NUDT3: variants seen among roughly 807,000 people sequenced by gnomAD.
NUDT3 encodes nudix hydrolase 3.
A neutral mutation model predicts 23.6 loss-of-function variants in NUDT3; 9 were observed. That is an observed-to-expected ratio of 0.38 (90% CI 0.23 to 0.66). NUDT3 has a LOEUF of 0.66. Among genes scored for constraint, NUDT3 ranks in the 30% least tolerant of loss-of-function variants. NUDT3 has a pLI of 0.52. For missense variants in NUDT3, 172 were observed against 218.5 expected (o/e 0.79, Z 1.34); for synonymous variants, 86 against 82.6 (o/e 1.04, Z -0.22).
rs1237809640 is a variant in NUDT3, at chr6:34,392,594, G to GGCCGCCGCCCCCTCT, written c.-247_-233dup. 3.2e-5 allele frequency: 10 copies of GGCCGCCGCCCCCTCT among 312,180 alleles called. No individual in the cohort carries two copies. Among genetic ancestry groups the GGCCGCCGCCCCCTCT allele is most frequent in the South Asian group, 2.4e-4 (2 of 8,182 alleles). The allele number at this position is 312,180 out of a possible 1,614,324, so 19.3% of individuals were successfully genotyped here. ...CGGCTGCCGTCTCCGCTGCCGCCAGGGCCGCCGCCCCCTCTGCCGCCGCCA... is the reference window on the plus strand; with the variant it reads ...CGGCTGCCGTCTCCGCTGCCGCCAGGGCCGCCGCCCCCTCTGCCGCCGCCCCCTCTGCCGCCGCCA... On this transcript the variant is annotated 5_prime_UTR_variant, in exon 1 of 5. Coordinates refer to ENST00000607016, the MANE Select transcript of NUDT3 (RefSeq NM_006703.4).
At chr6:34,365,358 G>A (rs962702615) in intron 1 of NUDT3, among the ~76,000 whole-genome samples, 2 of 152,092 alleles carry the variant, frequency 1.3e-5, no homozygotes, top group African/African-American at 2.4e-5. Context: ...GAACCTGGGA[G>A]GCAGAGGTTG....
At position 34,283,483 on chromosome 6, in the gene NUDT3, G is replaced by T. The variant is rs1021699240; in HGVS notation, c.*5270C>A. 1 of 152,238 alleles carries T rather than the reference G, an allele frequency of 6.6e-6. No individual in the cohort carries two copies. Among genetic ancestry groups the T allele is most frequent in the Non-Finnish European group, 1.5e-5 (1 of 68,086 alleles). 9.4% of individuals were successfully genotyped at this position (152,238 alleles called of 1,614,324 possible). A position where few individuals can be genotyped will look rare whatever the true frequency, so the allele number is the denominator to read the frequency against. ...CTCCCAAAGTGCTGGGATTACAGGC[G>T]TGAGCCACCATGACCAGCCCTCCAT... is the stretch of plus-strand genomic sequence containing the variant. On this transcript the variant is annotated 3_prime_UTR_variant, in exon 5 of 5. Transcript: ENST00000607016.
chr6:34,298,988 G>A (rs1763556607), intron 2 of NUDT3, among the ~76,000 whole-genome samples: 1 of 152,148 alleles, frequency 6.6e-6, no homozygotes, highest in Admixed American at 6.5e-5. Flanking sequence ...ATTTCTCACA[G>A]GCAAAGGTTC....
In NUDT3 at chr6:34,382,307, G is replaced by A. The variant is rs114018086; in HGVS notation, c.99+9957C>T. ...AGTCCCAGCTACTCAGGAGGCTGAG[G>A]TGAGAGCATCACTTGCGCCCGGAAG... On this transcript the variant is annotated intron_variant, in intron 1 of 4. Coordinates refer to ENST00000607016, the MANE Select transcript of NUDT3 (RefSeq NM_006703.4). Among the ~76,000 whole-genome samples, 59 of 151,762 alleles carry A rather than the reference G, an allele frequency of 3.9e-4. No individual in the cohort carries two copies. In the Middle Eastern group the frequency reaches 0.01, roughly 26 times the overall value.
At chr6:34,349,311 C>G (rs934475042) in intron 1 of NUDT3, among the ~76,000 whole-genome samples, 7 of 150,664 alleles carry the variant, frequency 4.6e-5, no homozygotes, top group African/African-American at 1.7e-4. Flanking sequence ...TTTCCAGATA[C>G]ATAGAAAGAA....
At chr6:34,370,528 C>T (rs569318017) in intron 1 of NUDT3, among the ~76,000 whole-genome samples, 7 of 152,248 alleles carry the variant, frequency 4.6e-5, no homozygotes, top group African/African-American at 1.2e-4. Context: ...GAGTATTTAG[C>T]GAAAAGAGGG....
At chr6:34,344,430 C>T (rs1764333664) in intron 1 of NUDT3, among the ~76,000 whole-genome samples, 1 of 152,048 alleles carries the variant, frequency 6.6e-6, no homozygotes, top group Non-Finnish European at 1.5e-5. Flanking sequence ...GGGAAGGAAG[C>T]CAGGCACAGA....
chr6:34,344,949 C>G (rs1362035836), intron 1 of NUDT3, among the ~76,000 whole-genome samples: 1 of 151,980 alleles, frequency 6.6e-6, no homozygotes, highest in African/African-American at 2.4e-5. Flanking sequence ...CTGCGCCAGG[C>G]TGAATTGTTC....
chr6:34,349,637 G>A (rs560560958), intron 1 of NUDT3, among the ~76,000 whole-genome samples: 4 of 150,618 alleles, frequency 2.7e-5, no homozygotes, highest in African/African-American at 7.4e-5. Context: ...ATGGGCATTT[G>A]CAAAGCTCTG....
chr6:34,313,815 A>T (rs1763815923), intron 2 of NUDT3, among the ~76,000 whole-genome samples: 2 of 152,056 alleles, frequency 1.3e-5, no homozygotes, highest in Non-Finnish European at 2.9e-5. Flanking sequence ...ACAAAAAATT[A>T]GGCCAAGCGC....
At chr6:34,359,004 T>C (rs754723996) in intron 1 of NUDT3, among the ~76,000 whole-genome samples, 2 of 152,186 alleles carry the variant, frequency 1.3e-5, no homozygotes, top group Non-Finnish European at 2.9e-5. Flanking sequence ...CTACTGGAAA[T>C]AACATTTACT....
intron 2 of NUDT3, among the ~76,000 whole-genome samples, chr6:34,323,656 T>C (rs534068264): frequency 6.6e-6 from 1 of 152,220 alleles, no homozygotes; most frequent in East Asian, 1.9e-4. Context: ...AAGAAATACA[T>C]GCTAAAGAAT....
chr6:34,328,411 C>T (rs1252258659), intron 2 of NUDT3, among the ~76,000 whole-genome samples: 1 of 152,186 alleles, frequency 6.6e-6, no homozygotes, highest in African/African-American at 2.4e-5. Flanking sequence ...CTAGCGCCCA[C>T]TCCACTATAG....
intron 4 of NUDT3, among the ~76,000 whole-genome samples, chr6:34,289,204 G>A (rs1220906893): frequency 3.9e-5 from 6 of 152,132 alleles, no homozygotes; most frequent in Non-Finnish European, 5.9e-5. Context: ...GCCCTCCTGC[G>A]TCTCTGAGCT....
At chr6:34,344,809 G>A (rs1358798825) in intron 1 of NUDT3, among the ~76,000 whole-genome samples, 3 of 148,556 alleles carry the variant, frequency 2.0e-5, no homozygotes, top group Admixed American at 7.0e-5. Flanking sequence ...CTGTCACCAC[G>A]CCCAGTTAAT....
chr6:34,284,544 T>C lies in NUDT3; in HGVS notation c.*4209A>G, dbSNP rs1424310420. 1 of 151,812 alleles carries C rather than the reference T, an allele frequency of 6.6e-6. No individual in the cohort carries two copies. Among genetic ancestry groups the C allele is most frequent in the African/African-American group, 2.4e-5 (1 of 41,314 alleles). The allele number at this position is 151,812 out of a possible 1,614,324, so 9.4% of individuals were successfully genotyped here. ...CTTAGGCTAAGCTGTTTTTTTTTTT[T>C]TTTTTTTAAAGATGAGGATGCGGAC... On this transcript the variant is annotated 3_prime_UTR_variant, in exon 5 of 5. Coordinates refer to ENST00000607016, the MANE Select transcript of NUDT3 (RefSeq NM_006703.4).
rs938482779 is a variant in NUDT3 at position 34,280,279 on chromosome 6, G to A, written c.*8474C>T. 1 of 152,260 alleles carries A rather than the reference G, an allele frequency of 6.6e-6. No individual in the cohort carries two copies. Among genetic ancestry groups the A allele is most frequent in the African/African-American group, 2.4e-5 (1 of 41,462 alleles). 9.4% of individuals were successfully genotyped at this position (152,260 alleles called of 1,614,324 possible). ...AAGACACGGGGAAGAGGCCAGCCCTGAGCGGGCAAGAAGAAAAGCTTGAAC... is the reference window on the plus strand; with the variant it reads ...AAGACACGGGGAAGAGGCCAGCCCTAAGCGGGCAAGAAGAAAAGCTTGAAC... On this transcript the variant is annotated 3_prime_UTR_variant, in exon 5 of 5. Coordinates refer to ENST00000607016, the MANE Select transcript of NUDT3 (RefSeq NM_006703.4).
chr6:34,335,199 G>T lies in NUDT3; in HGVS notation c.210+6663C>A, dbSNP rs186066584. On this transcript the variant is annotated intron_variant, in intron 2 of 4. Transcript: ENST00000607016. Reference sequence around the variant, plus strand: ...ACCTTCATGTTGATGGACTAAATTTGCTATGTTGATTCATGCTGTGTGAAC... The same window carrying T: ...ACCTTCATGTTGATGGACTAAATTTTCTATGTTGATTCATGCTGTGTGAAC... Among the ~76,000 whole-genome samples the T allele has an allele frequency of 3.4e-3, 516 of 152,230 alleles. 5 individuals are homozygous for T. The highest frequency in any genetic ancestry group is 7.5e-3 in the Admixed American group (115 of 15,288).
chr6:34,382,375 C>A (rs1445981865), intron 1 of NUDT3, among the ~76,000 whole-genome samples: 2 of 152,180 alleles, frequency 1.3e-5, no homozygotes, highest in Non-Finnish European at 2.9e-5. Flanking sequence ...TACACTCCAG[C>A]CTGGGTGGCA....
Sources: gnomAD v4.1 joint callset for allele counts (sites outside exome capture counted in the v4.1 genomes callset) on GRCh38, gnomAD v4.1.1 for gene constraint, MANE v1.5 for transcripts, NCBI Gene and HGNC (gene_info 2026-07-23, HGNC 2026-07-21) for gene names.